The following PTPN20 variants were observed in gnomAD, a reference collection of about 807,000 sequenced individuals.
The protein encoded by PTPN20 is protein tyrosine phosphatase non-receptor type 20.
Under a neutral mutation model 35.0 loss-of-function variants are expected in PTPN20, and 9 were observed. The observed-to-expected ratio is 0.26, with a 90% CI of 0.15 to 0.45. The LOEUF is 0.45. PTPN20 is among the 20% of genes least tolerant of loss of function. The probability of loss-of-function intolerance (pLI) is 1.00; values close to 1 mark genes in which losing one functional copy is unlikely to be tolerated. For synonymous variants in PTPN20, 32 were observed against 100.2 expected (o/e 0.32, Z 4.06); for missense variants, 111 against 312.5 (o/e 0.36, Z 4.86).
At chr10:46,995,991 TG>T (rs2059038649) in intron 9 of PTPN20, among the ~76,000 whole-genome samples, 1 of 152,240 alleles carries the variant, frequency 6.6e-6, no homozygotes, top group Non-Finnish European at 1.5e-5. Flanking sequence ...TGGTTTTCTT[TG>T]TAAAGAAGTG....
downstream of PTPN20, among the ~76,000 whole-genome samples, chr10:47,002,641 G>A (rs1289547422): frequency 1.3e-5 from 2 of 151,800 alleles, no homozygotes; most frequent in African/African-American, 4.8e-5. Flanking sequence ...GTATATGAAT[G>A]CTAATTTAAA....
At chr10:46,993,819 T>G (rs1305470864) in intron 9 of PTPN20, among the ~76,000 whole-genome samples, 1 of 152,190 alleles carries the variant, frequency 6.6e-6, no homozygotes, top group Non-Finnish European at 1.5e-5. Context: ...TAGGCATGGA[T>G]TGCACACCAT....
intron 9 of PTPN20, among the ~76,000 whole-genome samples, chr10:46,991,981 T>C (rs1185838819): frequency 6.6e-6 from 1 of 152,204 alleles, no homozygotes; most frequent in African/African-American, 2.4e-5. Flanking sequence ...TCTAGTGAGA[T>C]TGGGAAAAGT....
At chr10:46,938,733 A>G (rs1456243232) in intron 2 of PTPN20, among the ~76,000 whole-genome samples, 1 of 76,874 alleles carries the variant, frequency 1.3e-5, no homozygotes, top group African/African-American at 6.6e-5. Context: ...TTCCTGAGCT[A>G]TAGCCTGCAA....
intron 5 of PTPN20, among the ~76,000 whole-genome samples, chr10:46,953,395 C>CTTTCTTTCTTT (rs1341999684): frequency 2.0e-5 from 2 of 100,124 alleles, no homozygotes; most frequent in African/African-American, 4.6e-5. Flanking sequence ...TTCTTTCTTT[C>CTTTCTTTCTTT]TTTTTTTTTG....
At chr10:46,936,280 A>G (rs1354358243) in intron 2 of PTPN20, among the ~76,000 whole-genome samples, 3 of 151,898 alleles carry the variant, frequency 2.0e-5, no homozygotes, top group Non-Finnish European at 4.4e-5. Context: ...CCTCTTCCTA[A>G]TTATTTGAAA....
intron 9 of PTPN20, among the ~76,000 whole-genome samples, chr10:46,996,361 G>A (rs2137820328): frequency 6.6e-6 from 1 of 152,212 alleles, no homozygotes; most frequent in African/African-American, 2.4e-5. Flanking sequence ...TAACTGAACA[G>A]TCCAGTCATG....
At position 46,940,846 on chromosome 10, in the gene PTPN20, G is replaced by A. The variant is rs1370571718; in HGVS notation, c.129+129G>A. On this transcript the variant is annotated intron_variant, in intron 3 of 10. Coordinates refer to ENST00000374339, the MANE Select transcript of PTPN20 (RefSeq NM_001042357.5). The stretch of plus-strand genomic sequence containing the variant: ...TTTCTTAATTTTTTGTCACTGTAGT[G>A]TTGACAGTGACCAAAATGGGGATTT... 2.2e-3 allele frequency: 2,479 copies of A among 1,103,640 alleles called. 5 individuals carry two copies. Among genetic ancestry groups the A allele is most frequent in the Middle Eastern group, 5.0e-3 (16 of 3,176 alleles). The allele number at this position is 1,103,640 out of a possible 1,614,324, so 68.4% of individuals were successfully genotyped here.
At chr10:46,992,825 A>G (rs1281556105) in intron 9 of PTPN20, among the ~76,000 whole-genome samples, 2 of 152,188 alleles carry the variant, frequency 1.3e-5, no homozygotes, top group Non-Finnish European at 2.9e-5. Context: ...CTTGCATTAA[A>G]TCTTTCTCTT....
intron 7 of PTPN20, among the ~76,000 whole-genome samples, chr10:46,980,095 A>C (rs2054898070): frequency 6.8e-6 from 1 of 146,910 alleles, no homozygotes; most frequent in Non-Finnish European, 1.5e-5. Flanking sequence ...CTTCTACTTC[A>C]GTGAAATTTC....
chr10:46,988,801 T>A (rs1212559810), intron 9 of PTPN20, among the ~76,000 whole-genome samples: 1 of 152,134 alleles, frequency 6.6e-6, no homozygotes, highest in Non-Finnish European at 1.5e-5. Flanking sequence ...TTTATAGTTT[T>A]CCTCATAGAA....
chr10:46,972,224 T>G (rs1336076086), intron 7 of PTPN20, among the ~76,000 whole-genome samples: 21 of 150,194 alleles, frequency 1.4e-4, no homozygotes, highest in Non-Finnish European at 2.8e-4. Context: ...TAATCTATAA[T>G]TACTACAAAT....
At chr10:46,997,136 T>G (rs2137896920) in intron 9 of PTPN20, among the ~76,000 whole-genome samples, 1 of 152,322 alleles carries the variant, frequency 6.6e-6, no homozygotes, top group African/African-American at 2.4e-5. Context: ...AGGTCTTTTT[T>G]GAATTCTTGC....
At chr10:46,949,157 A>G (rs1212048684) in intron 5 of PTPN20, among the ~76,000 whole-genome samples, 2 of 152,100 alleles carry the variant, frequency 1.3e-5, no homozygotes, top group East Asian at 1.9e-4. Context: ...ATTTTCGACC[A>G]TGACAGTGGC....
At chr10:46,949,472 G>A (rs1353252684) in intron 5 of PTPN20, among the ~76,000 whole-genome samples, 1 of 152,138 alleles carries the variant, frequency 6.6e-6, no homozygotes, top group African/African-American at 2.4e-5. Context: ...CCTTAGGAGA[G>A]TCTGTCTTTC....
intron 9 of PTPN20, among the ~76,000 whole-genome samples, chr10:46,994,322 CTTTTTTT>C (rs36049729): frequency 3.0e-5 from 2 of 66,320 alleles, no homozygotes; most frequent in Non-Finnish European, 5.3e-5. Context: ...CTCTGATGCT[CTTTTTTT>C]TTTTTTTTTT....
intron 5 of PTPN20, among the ~76,000 whole-genome samples, chr10:46,957,401 AT>A (rs1325734487): frequency 1.9e-3 from 284 of 149,478 alleles, no homozygotes; most frequent in African/African-American, 6.8e-3. Context: ...TATTATGTTT[AT>A]GTATTTTTCT....
chr10:46,938,201 A>G (rs2133771972), intron 2 of PTPN20, among the ~76,000 whole-genome samples: 1 of 147,114 alleles, frequency 6.8e-6, no homozygotes, highest in South Asian at 2.2e-4. Flanking sequence ...CACCCTCTTC[A>G]GCCTCCCAAA....
At chr10:46,937,677 C>CA (rs1355844697) in intron 2 of PTPN20, among the ~76,000 whole-genome samples, 2 of 151,694 alleles carry the variant, frequency 1.3e-5, no homozygotes, top group Admixed American at 1.3e-4. Context: ...CTTATTTTTA[C>CA]ATGATTTATA....
Sources: gnomAD v4.1 joint callset for allele counts (sites outside exome capture counted in the v4.1 genomes callset) on GRCh38, gnomAD v4.1.1 for gene constraint, MANE v1.5 for transcripts, NCBI Gene and HGNC (gene_info 2026-07-23, HGNC 2026-07-21) for gene names.